The following GALNTL6 variants were observed in gnomAD, a reference collection of about 807,000 sequenced individuals.
GALNTL6 encodes polypeptide N-acetylgalactosaminyltransferase like 6, also known as polypeptide N-acetylgalactosaminyltransferase-like 6.
In GALNTL6, 46 loss-of-function variants were observed where a neutral mutation model predicts 73.7. That is an observed-to-expected ratio of 0.62 (90% CI 0.49 to 0.80). The LOEUF (loss-of-function observed/expected upper bound fraction) is 0.80. GALNTL6 is among the 30% of genes least tolerant of loss of function. GALNTL6 has a pLI of 0.00. For missense variants in GALNTL6, 604 were observed against 755.0 expected, an observed-to-expected ratio of 0.80 and a Z score of 2.34; for synonymous variants, 259 against 263.7, an observed-to-expected ratio of 0.98 and a Z score of 0.17.
chr4:171,956,460 A>G (rs111411212), intron 2 of GALNTL6, among the ~76,000 whole-genome samples: 20 of 152,300 alleles, frequency 1.3e-4, no homozygotes, highest in South Asian at 1.0e-3. Context: ...GTTGATAAAA[A>G]CCATCCTTGT....
intron 10 of GALNTL6, among the ~76,000 whole-genome samples, chr4:172,956,093 TA>T (rs1749737541): frequency 6.6e-6 from 1 of 151,736 alleles, no homozygotes; most frequent in Non-Finnish European, 1.5e-5. Flanking sequence ...ATAAGAAAAA[TA>T]AAACAAAATA....
chr4:172,005,822 A>G (rs1263041845), intron 2 of GALNTL6, among the ~76,000 whole-genome samples: 1 of 152,232 alleles, frequency 6.6e-6, no homozygotes, highest in Admixed American at 6.5e-5. Context: ...TTATATCCCT[A>G]TTGATTTGTT....
chr4:172,523,217 C>G (rs1465399889), intron 5 of GALNTL6, among the ~76,000 whole-genome samples: 1 of 152,158 alleles, frequency 6.6e-6, no homozygotes, highest in African/African-American at 2.4e-5. Context: ...TGCATTTATG[C>G]ATTCTACTGT....
At chr4:172,411,713 G>C (rs1744443668) in intron 5 of GALNTL6, among the ~76,000 whole-genome samples, 1 of 151,816 alleles carries the variant, frequency 6.6e-6, no homozygotes, top group Non-Finnish European at 1.5e-5. Flanking sequence ...TCTTGGCTTA[G>C]CTGCAACCTG....
chr4:172,147,980 C>A (rs574705067), intron 2 of GALNTL6, among the ~76,000 whole-genome samples: 2 of 151,962 alleles, frequency 1.3e-5, no homozygotes, highest in East Asian at 1.9e-4. Flanking sequence ...TTATAAGAAA[C>A]GTATTTATTT....
At chr4:172,733,201 A>T (rs1333976794) in intron 5 of GALNTL6, among the ~76,000 whole-genome samples, 1 of 152,002 alleles carries the variant, frequency 6.6e-6, no homozygotes, top group Admixed American at 6.5e-5. Context: ...TGCTGAATAC[A>T]TTTCTGGGTG....
chr4:172,831,240 G>A lies in GALNTL6; in HGVS notation c.923+17517G>A, dbSNP rs560908264. On this transcript the variant is annotated intron_variant, in intron 7 of 12. Transcript: ENST00000506823. ...TTATTTATTTACCACGCAAATATAT[G>A]GGTGCTGGCTGTTCAGTCTTGGAAG... Among the ~76,000 whole-genome samples the A allele has an allele frequency of 4.7e-4, 70 of 149,588 alleles. No homozygotes were observed. In the South Asian group the frequency reaches 0.015, roughly 32 times the overall value.
intron 5 of GALNTL6, among the ~76,000 whole-genome samples, chr4:172,397,644 C>G (rs956061417): frequency 6.6e-6 from 1 of 151,918 alleles, no homozygotes; most frequent in East Asian, 1.9e-4. Flanking sequence ...GTGGTGCGGT[C>G]TCTGCTCACC....
At chr4:173,001,749 T>C (rs1037951812) in intron 10 of GALNTL6, among the ~76,000 whole-genome samples, 2 of 152,124 alleles carry the variant, frequency 1.3e-5, no homozygotes, top group Non-Finnish European at 2.9e-5. Context: ...AAATGCTCAA[T>C]AAACAAATGA....
At chr4:171,930,751 C>T (rs1738157202) in intron 2 of GALNTL6, among the ~76,000 whole-genome samples, 1 of 152,172 alleles carries the variant, frequency 6.6e-6, no homozygotes, top group South Asian at 2.1e-4. Flanking sequence ...CAGAGAATCA[C>T]TTGAACCCAG....
At chr4:172,181,730 T>G (rs2110855089) in intron 2 of GALNTL6, among the ~76,000 whole-genome samples, 2 of 151,506 alleles carry the variant, frequency 1.3e-5, no homozygotes, top group South Asian at 4.2e-4. Flanking sequence ...TTTTTTTTTT[T>G]TTTTGAGTTG....
rs996634542 is a variant in GALNTL6 at position 172,319,204 on chromosome 4, A to C, written c.386+7452A>C. On this transcript the variant is annotated intron_variant, in intron 4 of 12. Transcript: ENST00000506823. Reference sequence around the variant, plus strand: ...TCCTTTCCAAATCAGCAAGCCATGTAATCTTAAACTATTGTTAAAGTAATC... The same window carrying C: ...TCCTTTCCAAATCAGCAAGCCATGTCATCTTAAACTATTGTTAAAGTAATC... Among the ~76,000 whole-genome samples the C allele has an allele frequency of 5.9e-5, 9 of 152,356 alleles. No homozygotes were observed. In the South Asian group the frequency reaches 1.9e-3, roughly 32 times the overall value.
chr4:172,946,824 A>G (rs539977664), intron 9 of GALNTL6, among the ~76,000 whole-genome samples: 5 of 152,288 alleles, frequency 3.3e-5, no homozygotes, highest in Non-Finnish European at 5.9e-5. Flanking sequence ...TCCAAACAAC[A>G]GTTTCTATGT....
At chr4:172,376,523 T>C (rs1305080607) in intron 5 of GALNTL6, among the ~76,000 whole-genome samples, 1 of 152,014 alleles carries the variant, frequency 6.6e-6, no homozygotes, top group Non-Finnish European at 1.5e-5. Context: ...GAGTCAGGGG[T>C]TGTTAGACAG....
In GALNTL6 at chr4:172,316,556, C is replaced by G. The variant is rs557681085; in HGVS notation, c.386+4804C>G. On this transcript the variant is annotated intron_variant, in intron 4 of 12. Transcript: ENST00000506823. The stretch of plus-strand genomic sequence containing the variant: ...TCAATATTCCATTGCTTGTCAAAGC[C>G]ATGAAGCTAAAACTATTTCTGTCTA... 2.0e-5 allele frequency among the ~76,000 whole-genome samples: 3 copies of G among 152,208 alleles called. No individual in the cohort carries two copies. In the South Asian group the frequency reaches 6.2e-4, roughly 32 times the overall value.
chr4:172,453,551 A>C (rs1732288703), intron 5 of GALNTL6, among the ~76,000 whole-genome samples: 1 of 152,230 alleles, frequency 6.6e-6, no homozygotes, highest in South Asian at 2.1e-4. Flanking sequence ...GCAGAGGCAC[A>C]TACAACTCTG....
chr4:172,778,593 G>A (rs1412912234), intron 5 of GALNTL6, among the ~76,000 whole-genome samples: 1 of 152,180 alleles, frequency 6.6e-6, no homozygotes, highest in Non-Finnish European at 1.5e-5. Context: ...AAGTGCCAAT[G>A]TGCAAAATAT....
At chr4:172,002,385 A>G (rs1740700939) in intron 2 of GALNTL6, among the ~76,000 whole-genome samples, 1 of 152,160 alleles carries the variant, frequency 6.6e-6, no homozygotes, top group Admixed American at 6.6e-5. Flanking sequence ...ACAGCTGTCT[A>G]TATGCCAGGA....
In GALNTL6 at chr4:172,875,337, G is replaced by A. The variant is rs564279081; in HGVS notation, c.924-7453G>A. Among the ~76,000 whole-genome samples, 148 of 152,216 alleles carry A rather than the reference G, an allele frequency of 9.7e-4. 1 individual carries two copies. The highest frequency in any genetic ancestry group is 3.1e-3 in the African/African-American group (128 of 41,540). ...GGCCGCTTAGAAATTAGAAATGAAT[G>A]AATCCAATAAGAATTGCTGAATAAT... On this transcript the variant is annotated intron_variant, in intron 7 of 12. Transcript: ENST00000506823.
Sources: allele counts gnomAD v4.1 joint callset (sites outside exome capture counted in the v4.1 genomes callset), GRCh38; gene constraint gnomAD v4.1.1; transcripts MANE v1.5; gene names NCBI Gene and HGNC (gene_info 2026-07-23, HGNC 2026-07-21).